Variants in EXOC6B observed in about 807,000 individuals in gnomAD.
The protein encoded by EXOC6B is SEC15 homolog B.
In EXOC6B, 54 loss-of-function variants were observed where a neutral mutation model predicts 113.5. The observed-to-expected ratio is 0.48, with a 90% CI of 0.38 to 0.60. EXOC6B has a LOEUF of 0.60. Ranked by LOEUF, EXOC6B falls within the 20% of genes least tolerant of loss-of-function variation. The probability of loss-of-function intolerance (pLI) is 0.00; values close to 1 mark genes in which losing one functional copy is unlikely to be tolerated. For synonymous variants in EXOC6B, 357 were observed against 339.0 expected (o/e 1.05, Z -0.58); for missense variants, 797 against 977.5 (o/e 0.82, Z 2.46).
chr2:72,240,946 G>C (rs1309966320), intron 20 of EXOC6B, among the ~76,000 whole-genome samples: 2 of 152,070 alleles, frequency 1.3e-5, no homozygotes, highest in Non-Finnish European at 2.9e-5. Flanking sequence ...TGGATATAGA[G>C]AATACATTTT....
chr2:72,421,293 C>T (rs1013239296), intron 18 of EXOC6B, among the ~76,000 whole-genome samples: 9 of 152,136 alleles, frequency 5.9e-5, no homozygotes, highest in African/African-American at 1.4e-4. Context: ...TATTCTATTA[C>T]GTGGAACTAC....
chr2:72,327,609 C>T (rs1688203071), intron 20 of EXOC6B, among the ~76,000 whole-genome samples: 1 of 152,062 alleles, frequency 6.6e-6, no homozygotes, highest in African/African-American at 2.4e-5. Context: ...ATTTTCTATA[C>T]CAAAGATTTC....
intron 17 of EXOC6B, among the ~76,000 whole-genome samples, chr2:72,470,709 C>T (rs540568238): frequency 8.8e-5 from 13 of 148,146 alleles, no homozygotes; most frequent in African/African-American, 3.3e-4. Context: ...GGAGTGAGAA[C>T]ATGTGGTGTT....
chr2:72,599,969 C>G (rs1670308656), intron 6 of EXOC6B, among the ~76,000 whole-genome samples: 1 of 151,752 alleles, frequency 6.6e-6, no homozygotes, highest in East Asian at 1.9e-4. Flanking sequence ...CAATTTCTCC[C>G]AAATGATCTA....
intron 6 of EXOC6B, among the ~76,000 whole-genome samples, chr2:72,702,237 C>T (rs904488692): frequency 1.1e-4 from 17 of 151,458 alleles, no homozygotes; most frequent in African/African-American, 3.9e-4. Context: ...CATGTCCCTA[C>T]AAAGGACATG....
chr2:72,412,754 A>T (rs1388604228), intron 18 of EXOC6B, among the ~76,000 whole-genome samples: 1 of 152,138 alleles, frequency 6.6e-6, no homozygotes, highest in African/African-American at 2.4e-5. Context: ...TTTAGTTCTT[A>T]GTTATTTCTA....
chr2:72,537,719 G>A (rs994572739), intron 8 of EXOC6B, among the ~76,000 whole-genome samples: 3 of 152,148 alleles, frequency 2.0e-5, no homozygotes, highest in East Asian at 1.9e-4. Flanking sequence ...ATATAAGCAC[G>A]AAGATTTCTG....
At chr2:72,729,874 T>C (rs1364948657) in intron 5 of EXOC6B, among the ~76,000 whole-genome samples, 1 of 152,206 alleles carries the variant, frequency 6.6e-6, no homozygotes, top group Non-Finnish European at 1.5e-5. Flanking sequence ...TAATGTCTAA[T>C]GATTCAGCTT....
chr2:72,300,258 T>C (rs903740973), intron 20 of EXOC6B, among the ~76,000 whole-genome samples: 3 of 152,206 alleles, frequency 2.0e-5, no homozygotes, highest in African/African-American at 7.2e-5. Context: ...CTGGCCGCAG[T>C]GGCCTTGCTG....
intron 19 of EXOC6B, among the ~76,000 whole-genome samples, chr2:72,355,091 C>T (rs917166482): frequency 4.6e-5 from 7 of 152,200 alleles, no homozygotes; most frequent in Admixed American, 3.3e-4. Flanking sequence ...TCATCCTACA[C>T]ATTCCCACTG....
At chr2:72,294,488 G>C (rs1386787091) in intron 20 of EXOC6B, among the ~76,000 whole-genome samples, 1 of 152,042 alleles carries the variant, frequency 6.6e-6, no homozygotes, top group African/African-American at 2.4e-5. Context: ...GTCTCATTAT[G>C]GGTTGCCCAG....
intron 6 of EXOC6B, among the ~76,000 whole-genome samples, chr2:72,653,480 A>G (rs1401922181): frequency 6.7e-6 from 1 of 149,432 alleles, no homozygotes; most frequent in Non-Finnish European, 1.5e-5. Context: ...TGGGTGCAGC[A>G]CACCAGCATG....
At chr2:72,601,313 G>C (rs550512569) in intron 6 of EXOC6B, among the ~76,000 whole-genome samples, 1 of 152,084 alleles carries the variant, frequency 6.6e-6, no homozygotes, top group African/African-American at 2.4e-5. Context: ...CTCCCAAGTA[G>C]CTGGGACTAC....
intron 18 of EXOC6B, among the ~76,000 whole-genome samples, chr2:72,448,491 C>T (rs1274247514): frequency 6.6e-6 from 1 of 151,974 alleles, no homozygotes; most frequent in African/African-American, 2.4e-5. Flanking sequence ...CTATACTAAA[C>T]AAGAATAACC....
chr2:72,250,623 T>C (rs1318663514), intron 20 of EXOC6B, among the ~76,000 whole-genome samples: 1 of 151,682 alleles, frequency 6.6e-6, no homozygotes, highest in Non-Finnish European at 1.5e-5. Context: ...TGATTACAGG[T>C]GTATGTCACT....
intron 6 of EXOC6B, among the ~76,000 whole-genome samples, chr2:72,612,675 A>G (rs1573486553): frequency 6.6e-6 from 1 of 152,196 alleles, no homozygotes; most frequent in African/African-American, 2.4e-5. Flanking sequence ...AAAAGCTACA[A>G]CTGGATTTGC....
At chr2:72,784,579 G>A (rs1316173861) in intron 1 of EXOC6B, among the ~76,000 whole-genome samples, 4 of 152,182 alleles carry the variant, frequency 2.6e-5, no homozygotes, top group East Asian at 1.9e-4. Flanking sequence ...ATATGGTGGC[G>A]GCAAGAGAAA....
intron 18 of EXOC6B, among the ~76,000 whole-genome samples, chr2:72,439,085 T>C (rs946927654): frequency 1.3e-5 from 2 of 152,232 alleles, no homozygotes; most frequent in Non-Finnish European, 2.9e-5. Flanking sequence ...GTGTGAATGA[T>C]CTTCATTTGC....
At chr2:72,696,780 A>G (rs1189625378) in intron 6 of EXOC6B, among the ~76,000 whole-genome samples, 1 of 152,168 alleles carries the variant, frequency 6.6e-6, no homozygotes, top group African/African-American at 2.4e-5. Context: ...CAAATTCCCT[A>G]GCTGTGCCCA....
Sources: allele counts gnomAD v4.1 joint callset (sites outside exome capture counted in the v4.1 genomes callset), GRCh38; gene constraint gnomAD v4.1.1; transcripts MANE v1.5; gene names NCBI Gene and HGNC (gene_info 2026-07-23, HGNC 2026-07-21).